Variants in CPED1 observed in about 807,000 individuals in gnomAD.
CPED1 encodes cadherin like and PC-esterase domain containing 1, also known as cadherin-like and PC-esterase domain-containing protein 1.
In CPED1, 114 loss-of-function variants were observed where a neutral mutation model predicts 128.2. The ratio of observed to expected loss-of-function variants is 0.89; its 90% CI spans 0.76 to 1.04. The LOEUF (loss-of-function observed/expected upper bound fraction) is 1.04. Among genes scored for constraint, CPED1 ranks in the 50% least tolerant of loss-of-function variants. The probability of loss-of-function intolerance (pLI) is 0.00; values close to 1 mark genes in which losing one functional copy is unlikely to be tolerated. For missense variants in CPED1, 1,211 were observed against 1,207.1 expected (o/e 1.00, Z -0.05); for synonymous variants, 462 against 426.7 (o/e 1.08, Z -1.02).
At chr7:121,033,731 G>T (rs750181368) in intron 3 of CPED1, among the ~76,000 whole-genome samples, 1 of 152,176 alleles carries the variant, frequency 6.6e-6, no homozygotes, top group Admixed American at 6.5e-5. Flanking sequence ...TGAAAATAAT[G>T]CTTATGAATA....
At chr7:121,290,061 G>C (rs1792663168) in intron 22 of CPED1, among the ~76,000 whole-genome samples, 1 of 152,044 alleles carries the variant, frequency 6.6e-6, no homozygotes, top group South Asian at 2.1e-4. Flanking sequence ...GCGGTGTTTG[G>C]TTTTCTGTTC....
At chr7:121,013,722 C>G (rs1218721542) in intron 2 of CPED1, among the ~76,000 whole-genome samples, 1 of 152,200 alleles carries the variant, frequency 6.6e-6, no homozygotes, top group Non-Finnish European at 1.5e-5. Flanking sequence ...TCCTCCTGAA[C>G]TACTCTATGC....
intron 3 of CPED1, among the ~76,000 whole-genome samples, chr7:121,022,994 T>C (rs1792482453): frequency 6.6e-6 from 1 of 152,016 alleles, no homozygotes; most frequent in Non-Finnish European, 1.5e-5. Flanking sequence ...ATCATTGTTT[T>C]ACTTCATAGG....
chr7:121,117,098 T>TATATATAA (rs1226906588), intron 7 of CPED1, among the ~76,000 whole-genome samples: 25 of 134,650 alleles, frequency 1.9e-4, no homozygotes, highest in Non-Finnish European at 2.4e-4. Flanking sequence ...TATATATATA[T>TATATATAA]AAATATATAT....
intron 2 of CPED1, among the ~76,000 whole-genome samples, chr7:120,990,550 C>G (rs1229636124): frequency 6.6e-6 from 1 of 151,898 alleles, no homozygotes; most frequent in African/African-American, 2.4e-5. Flanking sequence ...CAAAGTAACA[C>G]AGGATTTCTA....
At chr7:121,076,679 A>G (rs1794131993) in intron 5 of CPED1, 1 of 152,202 alleles carries the variant, frequency 6.6e-6, no homozygotes, top group African/African-American at 2.4e-5. Context: ...CTTATCCAGC[A>G]ATGTTTTAGT....
intron 17 of CPED1, among the ~76,000 whole-genome samples, chr7:121,238,280 G>C (rs28563150): frequency 1.3e-5 from 2 of 152,044 alleles, no homozygotes; most frequent in East Asian, 1.9e-4. Context: ...TCAAGTGCAC[G>C]CTCCTTAGCC....
At chr7:121,030,878 T>C (rs1792710618) in intron 3 of CPED1, among the ~76,000 whole-genome samples, 1 of 152,228 alleles carries the variant, frequency 6.6e-6, no homozygotes, top group African/African-American at 2.4e-5. Flanking sequence ...TGCATTGTTC[T>C]ATGCACTTTA....
chr7:121,201,532 G>GAAGGAAGA (rs544700836), intron 16 of CPED1, among the ~76,000 whole-genome samples: 59 of 151,378 alleles, frequency 3.9e-4, no homozygotes, highest in Non-Finnish European at 7.1e-4. Context: ...GGAAAGGAAG[G>GAAGGAAGA]AAGGAAGAAA....
chr7:120,993,619 A>G (rs1796345184), intron 2 of CPED1, among the ~76,000 whole-genome samples: 1 of 152,222 alleles, frequency 6.6e-6, no homozygotes, highest in Admixed American at 6.5e-5. Flanking sequence ...AAAATTCCTT[A>G]CTTGGCCCAG....
intron 16 of CPED1, among the ~76,000 whole-genome samples, chr7:121,218,439 C>T (rs1002776569): frequency 6.6e-6 from 1 of 151,970 alleles, no homozygotes; most frequent in African/African-American, 2.4e-5. Context: ...AGGATTACAA[C>T]CTCATATGCT....
At chr7:121,182,581 A>G (rs911255561) in intron 16 of CPED1, among the ~76,000 whole-genome samples, 1 of 148,002 alleles carries the variant, frequency 6.8e-6, no homozygotes, top group African/African-American at 2.5e-5. Flanking sequence ...TTTGTTCTGT[A>G]GTTATTGAAT....
intron 5 of CPED1, among the ~76,000 whole-genome samples, chr7:121,093,299 C>A (rs1794618675): frequency 6.6e-6 from 1 of 151,868 alleles, no homozygotes; most frequent in Non-Finnish European, 1.5e-5. Flanking sequence ...TTTTACCTAA[C>A]AAAAGGCAGT....
intron 21 of CPED1, 37 bp downstream of exon 21, chr7:121,267,339 A>C (rs771731226): frequency 8.1e-7 from 1 of 1,239,618 alleles, no homozygotes; most frequent in Non-Finnish European, 1.1e-6. Flanking sequence ...GAATTTCATG[A>C]TTCCTATAAG....
At chr7:121,194,048 ATTTTTT>A (rs68159246) in intron 16 of CPED1, among the ~76,000 whole-genome samples, 1 of 47,464 alleles carries the variant, frequency 2.1e-5, no homozygotes, top group African/African-American at 8.2e-5. Context: ...ATATATATAT[ATTTTTT>A]TTTTTTTTTT....
chr7:120,996,613 G>A (rs1331866079), intron 2 of CPED1, among the ~76,000 whole-genome samples: 2 of 152,110 alleles, frequency 1.3e-5, no homozygotes, highest in Admixed American at 1.3e-4. Flanking sequence ...GGACCATGCT[G>A]TGCATTTAGC....
At chr7:121,085,966 CTATT>C (rs1353860283) in intron 5 of CPED1, among the ~76,000 whole-genome samples, 2 of 152,256 alleles carry the variant, frequency 1.3e-5, no homozygotes, top group Admixed American at 6.5e-5. Flanking sequence ...AAAGCCGTAA[CTATT>C]TATACCATTG....
Position 121,267,221 on chromosome 7 carries a change from T to A in CPED1, c.2640T>A (p.Asn880Lys), listed in dbSNP as rs1792143883. Reference protein sequence around the residue: ...QIIHKVLKRENLLNILVIIKT... With the variant: ...QIIHKVLKREKLLNILVIIKT... ...TTATAATTATCTCATTCAGGGAAAA[T>A]TTACTCAATATCCTAGTGATCATCA... Residue 880 changes from asparagine (N) to lysine (K), a missense_variant, in exon 21 of 23, where the codon AAT becomes AAA. By Grantham distance (94) the Asn-to-Lys change is moderately conservative (BLOSUM62 0). Coordinates refer to ENST00000310396, the MANE Select transcript of CPED1 (RefSeq NM_024913.5). 6.4e-7 allele frequency: 1 copy of A among 1,562,286 alleles called. No individual in the cohort carries two copies. The highest frequency in any genetic ancestry group is 8.8e-7 in the Non-Finnish European group (1 of 1,141,546).
intron 2 of CPED1, among the ~76,000 whole-genome samples, chr7:121,013,714 C>T (rs111332681): frequency 1.3e-5 from 2 of 152,152 alleles, no homozygotes; most frequent in African/African-American, 4.8e-5. Flanking sequence ...AGTTTGTGTC[C>T]TCCTGAACTA....
Sources: gnomAD v4.1 joint callset for allele counts (sites outside exome capture counted in the v4.1 genomes callset) on GRCh38, gnomAD v4.1.1 for gene constraint, MANE v1.5 for transcripts, NCBI Gene and HGNC (gene_info 2026-07-23, HGNC 2026-07-21) for gene names.